The following KANSL1L variants were observed in gnomAD, a reference collection of about 807,000 sequenced individuals.
KANSL1L encodes KAT8 regulatory NSL complex subunit 1 like.
In KANSL1L, 25 loss-of-function variants were observed where a neutral mutation model predicts 108.6. The ratio of observed to expected loss-of-function variants is 0.23; its 90% CI spans 0.17 to 0.32. The LOEUF (loss-of-function observed/expected upper bound fraction) is 0.32. KANSL1L is among the 10% of genes least tolerant of loss of function. The pLI is 1.00. For synonymous variants in KANSL1L, 405 were observed against 395.1 expected, an observed-to-expected ratio of 1.03 and a Z score of -0.30; for missense variants, 1,137 against 1,125.7, an observed-to-expected ratio of 1.01 and a Z score of -0.14.
intron 1 of KANSL1L, among the ~76,000 whole-genome samples, chr2:210,163,539 G>A (rs978073435): frequency 6.6e-6 from 1 of 151,996 alleles, no homozygotes. Flanking sequence ...ATTACAAATG[G>A]TGTAACATAT....
intron 1 of KANSL1L, among the ~76,000 whole-genome samples, chr2:210,167,296 T>C (rs1688041679): frequency 6.6e-6 from 1 of 152,060 alleles, no homozygotes; most frequent in South Asian, 2.1e-4. Flanking sequence ...GTACTTTATA[T>C]TCAATGATGT....
At chr2:210,166,263 G>A (rs550971746) in intron 1 of KANSL1L, among the ~76,000 whole-genome samples, 100 of 152,182 alleles carry the variant, frequency 6.6e-4, no homozygotes, top group African/African-American at 2.1e-3. Context: ...ATGAAATACA[G>A]TAAAAGCCAT....
chr2:210,115,401 T>C (rs1338286070), intron 3 of KANSL1L, among the ~76,000 whole-genome samples: 1 of 152,194 alleles, frequency 6.6e-6, no homozygotes, highest in South Asian at 2.1e-4. Flanking sequence ...TCTAAATTCC[T>C]ATGTTTATAG....
chr2:210,024,209 GA>G lies in KANSL1L; in HGVS notation c.2565-9del. The G allele has an allele frequency of 6.5e-7, 1 of 1,539,216 alleles. No homozygotes were observed. The highest frequency in any genetic ancestry group is 8.8e-7 in the Non-Finnish European group (1 of 1,142,796). ...ACATTTTTACTGTAAGCTCTAGCAA[GA>G]AAATCAGGAAAACACAATTATTTTT... On this transcript the variant is annotated splice_polypyrimidine_tract_variant and intron_variant, in intron 13 of 14. Transcript: ENST00000281772.
At chr2:210,065,778 G>T (rs1384034270) in intron 6 of KANSL1L, among the ~76,000 whole-genome samples, 1 of 151,954 alleles carries the variant, frequency 6.6e-6, no homozygotes, top group Admixed American at 6.6e-5. Flanking sequence ...AAGAGTAGGG[G>T]TTTCACCATG....
intron 6 of KANSL1L, among the ~76,000 whole-genome samples, chr2:210,069,957 T>C (rs1317932734): frequency 6.7e-6 from 1 of 149,698 alleles, no homozygotes; most frequent in Non-Finnish European, 1.5e-5. Context: ...GCCTCCCGAG[T>C]AGCTGGGATT....
At chr2:210,071,611 G>C (rs567463637) in intron 6 of KANSL1L, among the ~76,000 whole-genome samples, 1 of 152,198 alleles carries the variant, frequency 6.6e-6, no homozygotes, top group Admixed American at 6.5e-5. Context: ...TATTGGATTA[G>C]GGCCCACCCT....
intron 11 of KANSL1L, among the ~76,000 whole-genome samples, chr2:210,027,758 C>T (rs919827361): frequency 1.3e-5 from 2 of 152,194 alleles, no homozygotes; most frequent in African/African-American, 2.4e-5. Flanking sequence ...ATAACTGGCT[C>T]ACAGAAGTCT....
chr2:210,168,338 T>C (rs1347512516), intron 1 of KANSL1L, among the ~76,000 whole-genome samples: 1 of 152,012 alleles, frequency 6.6e-6, no homozygotes, highest in Non-Finnish European at 1.5e-5. Context: ...AATAAGGGTA[T>C]GGAGAGATTA....
intron 5 of KANSL1L, chr2:210,080,144 T>TGC (rs1553653510): frequency 4.5e-4 from 47 of 104,614 alleles, no homozygotes; most frequent in Admixed American, 2.3e-3. Flanking sequence ...CACACACGCG[T>TGC]GCACACACAC....
intron 12 of KANSL1L, 54 bp from the exon 13 acceptor site, chr2:210,025,270 G>C: frequency 8.8e-7 from 1 of 1,132,068 alleles, no homozygotes; most frequent in Admixed American, 1.7e-5. Context: ...TGAAATATAA[G>C]ATCAGGCTGG....
intron 5 of KANSL1L, chr2:210,080,455 C>T (rs1029967160): frequency 1.3e-5 from 2 of 152,172 alleles, no homozygotes; most frequent in Non-Finnish European, 2.9e-5. Flanking sequence ...ACTCAGCAGG[C>T]TGAGGCAGGA....
At chr2:210,030,342 G>C (rs970860545) in intron 9 of KANSL1L, among the ~76,000 whole-genome samples, 2 of 151,638 alleles carry the variant, frequency 1.3e-5, no homozygotes, top group Non-Finnish European at 2.9e-5. Context: ...AAAAAATTCT[G>C]CTATTATAAG....
intron 3 of KANSL1L, among the ~76,000 whole-genome samples, chr2:210,115,678 T>C (rs1013867116): frequency 6.6e-6 from 1 of 152,238 alleles, no homozygotes; most frequent in African/African-American, 2.4e-5. Context: ...GCATGTTTCA[T>C]ATTAACTCCC....
intron 9 of KANSL1L, among the ~76,000 whole-genome samples, chr2:210,030,141 A>G (rs1182003754): frequency 1.3e-5 from 2 of 151,988 alleles, no homozygotes; most frequent in African/African-American, 4.8e-5. Flanking sequence ...TTTATCGAAT[A>G]TATTTCTTAT....
intron 8 of KANSL1L, among the ~76,000 whole-genome samples, chr2:210,031,930 A>T (rs1016473210): frequency 6.6e-6 from 1 of 152,230 alleles, no homozygotes; most frequent in Admixed American, 6.5e-5. Context: ...AGACTGTGCG[A>T]GCAAGAACCA....
chr2:210,169,218 G>A (rs144136593), intron 1 of KANSL1L, among the ~76,000 whole-genome samples: 280 of 152,136 alleles, frequency 1.8e-3, no homozygotes, highest in Non-Finnish European at 3.3e-3. Context: ...CAAATCTAAG[G>A]GGGGGAAATT....
intron 6 of KANSL1L, among the ~76,000 whole-genome samples, chr2:210,053,033 TC>T (rs2094310494): frequency 6.6e-6 from 1 of 152,196 alleles, no homozygotes; most frequent in Non-Finnish European, 1.5e-5. Context: ...CTCTCAAGTC[TC>T]ATTCATGTTA....
At chr2:210,057,871 C>T (rs984326785) in intron 6 of KANSL1L, among the ~76,000 whole-genome samples, 3 of 152,126 alleles carry the variant, frequency 2.0e-5, no homozygotes, top group Admixed American at 6.5e-5. Context: ...CTCTTAATCC[C>T]GTCATCTTCG....
Sources: allele counts gnomAD v4.1 joint callset (sites outside exome capture counted in the v4.1 genomes callset), GRCh38; gene constraint gnomAD v4.1.1; transcripts MANE v1.5; gene names NCBI Gene and HGNC (gene_info 2026-07-23, HGNC 2026-07-21).